Variants in PCLO observed in about 807,000 individuals in gnomAD.
PCLO encodes the protein protein piccolo.
A neutral mutation model predicts 427.5 loss-of-function variants in PCLO; 82 were observed. The observed-to-expected ratio is 0.19, with a 90% CI of 0.16 to 0.23. The LOEUF (loss-of-function observed/expected upper bound fraction) is 0.23, where lower values mean the gene tolerates loss of function less well. PCLO is among the 10% of genes least tolerant of loss of function. PCLO has a pLI of 1.00. For missense variants in PCLO, 6,239 were observed against 6,115.9 expected, an observed-to-expected ratio of 1.02 and a Z score of -0.67; for synonymous variants, 2,357 against 2,155.4, an observed-to-expected ratio of 1.09 and a Z score of -2.59.
chr7:82,901,699 A>C (rs1794044089), intron 9 of PCLO, among the ~76,000 whole-genome samples: 1 of 152,174 alleles, frequency 6.6e-6, no homozygotes, highest in Non-Finnish European at 1.5e-5. Context: ...TAATATCCAG[A>C]ATCTACAACG....
chr7:82,954,302 TATC>T lies in PCLO; in HGVS notation c.6648_6650del (p.Met2216del), dbSNP rs748175325. ...TTTCCTCAGAATCTTCAAATTTAGT[TATC>T]ATGTCCACTGGCTCTGTATAAACTG... On this transcript the variant is annotated inframe_deletion, in exon 5 of 25. Transcript: ENST00000333891. 5.6e-5 allele frequency: 91 copies of T among 1,613,610 alleles called. No homozygotes were observed. In the Admixed American group the frequency reaches 1.4e-3, roughly 24 times the overall value.
intron 3 of PCLO, among the ~76,000 whole-genome samples, chr7:83,117,835 G>A (rs1160537670): frequency 3.9e-5 from 6 of 152,196 alleles, no homozygotes; most frequent in African/African-American, 1.4e-4. Flanking sequence ...TATTAGTGAA[G>A]TTGGGTAAAG....
At chr7:83,142,223 T>C (rs1443591880) in intron 2 of PCLO, among the ~76,000 whole-genome samples, 1 of 152,218 alleles carries the variant, frequency 6.6e-6, no homozygotes, top group African/African-American at 2.4e-5. Flanking sequence ...TAGGAATTTA[T>C]ATTTGCTCCT....
chr7:82,939,235 G>T (rs538697736), intron 6 of PCLO, among the ~76,000 whole-genome samples: 61 of 152,082 alleles, frequency 4.0e-4, no homozygotes, highest in Non-Finnish European at 7.1e-4. Flanking sequence ...TGGACATGGG[G>T]TATTAGAATT....
At chr7:82,843,737 C>A (rs2522836) in intron 13 of PCLO, among the ~76,000 whole-genome samples, 69,230 of 149,426 alleles carry the variant, frequency 0.46, 16,807 homozygotes, top group East Asian at 0.85. Flanking sequence ...GTGATCTCTG[C>A]TCACTGCAAC....
chr7:82,872,986 T>TATA (rs1793274108), intron 10 of PCLO, among the ~76,000 whole-genome samples: 1 of 152,086 alleles, frequency 6.6e-6, no homozygotes, highest in South Asian at 2.1e-4. Flanking sequence ...GAAGCAAAAG[T>TATA]ATAACCCGAA....
At chr7:82,873,195 T>A (rs2116002081) in intron 10 of PCLO, among the ~76,000 whole-genome samples, 1 of 149,934 alleles carries the variant, frequency 6.7e-6, no homozygotes, top group Non-Finnish European at 1.5e-5. Context: ...TTTTTTTTTT[T>A]TTTTTGTACA....
intron 20 of PCLO, among the ~76,000 whole-genome samples, chr7:82,807,907 G>A (rs2129468875): frequency 6.6e-6 from 1 of 152,054 alleles, no homozygotes; most frequent in Admixed American, 6.5e-5. Flanking sequence ...GAATAGTTAT[G>A]TTTCTGAATA....
intron 10 of PCLO, among the ~76,000 whole-genome samples, chr7:82,853,380 A>G (rs571297390): frequency 2.6e-5 from 4 of 152,156 alleles, no homozygotes; most frequent in African/African-American, 9.6e-5. Flanking sequence ...GATGTACATG[A>G]GTTGTGAGTT....
rs542155661 is a variant in PCLO, at chr7:83,036,694, T to C, written c.3301-70207A>G. Among the ~76,000 whole-genome samples, 26 of 152,180 alleles carry C rather than the reference T, an allele frequency of 1.7e-4. No homozygotes were observed. In the East Asian group the frequency reaches 5.0e-3, roughly 29 times the overall value. On this transcript the variant is annotated intron_variant, in intron 3 of 24. Coordinates refer to ENST00000333891, the MANE Select transcript of PCLO (RefSeq NM_033026.6). ...CTGCTATAGTCTGAATATAGAACAGTAAACATTTTGGGGGATGGGGTGAGA... is the reference window on the plus strand; with the variant it reads ...CTGCTATAGTCTGAATATAGAACAGCAAACATTTTGGGGGATGGGGTGAGA...
chr7:82,819,298 ATATC>A (rs2115622163), intron 20 of PCLO, among the ~76,000 whole-genome samples: 1 of 152,232 alleles, frequency 6.6e-6, no homozygotes, highest in South Asian at 2.1e-4. Context: ...ATGTTTGAGA[ATATC>A]TATTAGAACA....
At chr7:83,112,460 A>T (rs1463537563) in intron 3 of PCLO, among the ~76,000 whole-genome samples, 1 of 152,144 alleles carries the variant, frequency 6.6e-6, no homozygotes, top group Non-Finnish European at 1.5e-5. Flanking sequence ...TTCTTAATCC[A>T]ATTTTTTTAG....
intron 3 of PCLO, among the ~76,000 whole-genome samples, chr7:83,009,657 T>A (rs1788031250): frequency 6.6e-6 from 1 of 151,918 alleles, no homozygotes; most frequent in Admixed American, 6.6e-5. Flanking sequence ...ATATAAGCTA[T>A]TGCCTGGAAT....
At chr7:83,103,025 A>G (rs1344767134) in intron 3 of PCLO, among the ~76,000 whole-genome samples, 6 of 76,054 alleles carry the variant, frequency 7.9e-5, no homozygotes, top group Non-Finnish European at 1.1e-4. Context: ...TACAAAGCTG[A>G]TCACTATAAT....
intron 6 of PCLO, among the ~76,000 whole-genome samples, chr7:82,925,102 G>A (rs1181597386): frequency 6.6e-6 from 1 of 152,086 alleles, no homozygotes; most frequent in Non-Finnish European, 1.5e-5. Context: ...TTGGTAAGAA[G>A]AGTAATACTT....
At chr7:83,087,943 G>A (rs10269503) in intron 3 of PCLO, among the ~76,000 whole-genome samples, 5,493 of 152,114 alleles carry the variant, frequency 0.036, 344 homozygotes, top group African/African-American at 0.12. Flanking sequence ...ATAAATTGCC[G>A]AATTGATTTA....
intron 10 of PCLO, among the ~76,000 whole-genome samples, chr7:82,869,632 T>C (rs144520566): frequency 2.8e-4 from 42 of 151,936 alleles, no homozygotes; most frequent in African/African-American, 9.7e-4. Flanking sequence ...GGTGTAGGGA[T>C]AGAAAAATAG....
intron 3 of PCLO, among the ~76,000 whole-genome samples, chr7:83,047,489 T>TA (rs1387360365): frequency 1.3e-5 from 2 of 152,086 alleles, no homozygotes; most frequent in African/African-American, 2.4e-5. Flanking sequence ...TACATTATCA[T>TA]AGTCAATGTG....
chr7:82,834,797 G>A (rs1039523934), intron 16 of PCLO, among the ~76,000 whole-genome samples: 7 of 152,122 alleles, frequency 4.6e-5, no homozygotes, highest in African/African-American at 1.7e-4. Flanking sequence ...GGGAACAAAG[G>A]AAGATTAACT....
Sources: allele counts gnomAD v4.1 joint callset (sites outside exome capture counted in the v4.1 genomes callset), GRCh38; gene constraint gnomAD v4.1.1; transcripts MANE v1.5; gene names NCBI Gene and HGNC (gene_info 2026-07-23, HGNC 2026-07-21).